Variants in PLXNA2 observed in about 807,000 individuals in gnomAD.
PLXNA2 encodes the protein plexin A2.
PLXNA2 carries 91 observed loss-of-function variants against 193.5 expected under a neutral mutation model. The ratio of observed to expected loss-of-function variants is 0.47; its 90% confidence interval spans 0.40 to 0.56. The LOEUF (loss-of-function observed/expected upper bound fraction) is 0.56. PLXNA2 is among the 20% of genes least tolerant of loss of function. PLXNA2 has a pLI of 0.00. For synonymous variants in PLXNA2, 997 were observed against 1,027.3 expected, an observed-to-expected ratio of 0.97 and a Z score of 0.56; for missense variants, 1,995 against 2,503.2, an observed-to-expected ratio of 0.80 and a Z score of 4.33.
intron 23 of PLXNA2, 91 bp from the exon 24 acceptor site, chr1:208,039,858 G>C (rs1664807483): frequency 2.5e-6 from 4 of 1,598,616 alleles, no homozygotes; most frequent in Non-Finnish European, 3.4e-6. Flanking sequence ...GCCAGTGGAA[G>C]GAAGGGCTTT....
chr1:208,053,728 T>A (rs1006865689), intron 14 of PLXNA2, among the ~76,000 whole-genome samples: 1 of 152,220 alleles, frequency 6.6e-6, no homozygotes, highest in Non-Finnish European at 1.5e-5. Context: ...TGATTCAGTA[T>A]GAATATAGCC....
Position 208,113,546 on chromosome 1 carries a change from C to CTTTT in PLXNA2, c.1507-10303_1507-10300dup, listed in dbSNP as rs397695261. ...AGTTAATCCCAAATGCTCTCTCTCT[C>CTTTT]TTTTTTTTTTTTTTTTTTTTTGAGA... is the stretch of plus-strand genomic sequence containing the variant. On this transcript the variant is annotated intron_variant, in intron 4 of 31. Transcript: ENST00000367033. Among the ~76,000 whole-genome samples, 161 of 105,664 alleles carry CTTTT rather than the reference C, an allele frequency of 1.5e-3. 2 individuals carry two copies. The highest frequency in any genetic ancestry group is 1.9e-3 in the African/African-American group (52 of 27,390). The allele number at this position is 105,664 out of a possible 152,430, so 69.3% of individuals were successfully genotyped here.
At chr1:208,037,309 G>T (rs1485162551) in intron 26 of PLXNA2, among the ~76,000 whole-genome samples, 1 of 152,164 alleles carries the variant, frequency 6.6e-6, no homozygotes, top group Non-Finnish European at 1.5e-5. Flanking sequence ...AGGATGGGAG[G>T]TGCAGGCGAG....
chr1:208,059,705 C>T lies in PLXNA2; in HGVS notation c.2738+981G>A, dbSNP rs142384733. Among the ~76,000 whole-genome samples, 311 of 152,352 alleles carry T rather than the reference C, an allele frequency of 2.0e-3. 3 individuals are homozygous for T. Among genetic ancestry groups the T allele is most frequent in the South Asian group, 5.8e-3 (28 of 4,822 alleles). On this transcript the variant is annotated intron_variant, in intron 13 of 31. Transcript: ENST00000367033. ...ACTTCTCATGAGTCCTTTGCTCTCT[C>T]CTGCTTTGCAGAATGATGATAACAA...
chr1:208,211,460 A>G (rs1410140489), intron 2 of PLXNA2, among the ~76,000 whole-genome samples: 2 of 152,152 alleles, frequency 1.3e-5, no homozygotes, highest in Non-Finnish European at 2.9e-5. Flanking sequence ...TTGGGAGGCC[A>G]AGGCGGGCAG....
rs972734055 is a variant in PLXNA2 at position 208,036,090 on chromosome 1, T to G, written c.4765-1498A>C. Among the ~76,000 whole-genome samples, 15 of 152,274 alleles carry G rather than the reference T, an allele frequency of 9.9e-5. No homozygotes were observed. The East Asian group carries it at 2.1e-3, about 22-fold the overall frequency. ...TGGAAGGTGCCAAGGCTCCATTACT[T>G]CCCAGCTAGACCAGCTCCCTGGACT... On this transcript the variant is annotated intron_variant, in intron 26 of 31. Transcript: ENST00000367033.
chr1:208,038,454 C>A lies in PLXNA2; in HGVS notation c.4681G>T (p.Ala1561Ser), dbSNP rs779769484. Residue 1561 changes from alanine to serine, a missense_variant, in exon 26 of 32, where the codon GCC (alanine) becomes TCC (serine). Ala to Ser is a moderately conservative substitution (Grantham distance 99). Transcript: ENST00000367033. This position sits in a 1 kb window ranked among gnomAD's most constrained non-coding sequence, Gnocchi z 4.1. The part of the protein sequence containing the change: ...MDLEWRQGRI[A>S]RVVLQDEDIT... Reference sequence around the variant, plus strand: ...TCCTCATCTTGCAGCACGACCCGGGCGATCCGGCCTTGGCGCCACTCTGGG... The same window carrying A: ...TCCTCATCTTGCAGCACGACCCGGGAGATCCGGCCTTGGCGCCACTCTGGG... The A allele has an allele frequency of 3.1e-6, 5 of 1,614,068 alleles. No individual in the cohort carries two copies. The East Asian group carries it at 6.7e-5, about 22-fold the overall frequency.
intron 29 of PLXNA2, chr1:208,029,614 C>T (rs940015817): frequency 3.8e-5 from 38 of 988,960 alleles, no homozygotes; most frequent in East Asian, 1.1e-4. Context: ...CTCCCCAGGG[C>T]GTTCTTGTAT....
At chr1:208,174,230 T>C (rs1669588067) in intron 3 of PLXNA2, among the ~76,000 whole-genome samples, 1 of 152,068 alleles carries the variant, frequency 6.6e-6, no homozygotes, top group Non-Finnish European at 1.5e-5. Context: ...GCTTTGAGTA[T>C]GGAAAAGAGA....
Position 208,060,730 on chromosome 1 carries a change from C to A in PLXNA2, c.2694G>T (p.Gly898=). The change falls in exon 13 of 32, where the codon GGG becomes GGT. Residue 898 remains glycine, a synonymous_variant. Transcript: ENST00000367033. ...CCCCTGGGAGGGGCGTGCAGGGCACCCCAGCCACCTGCACATGGTGGGCGA... is the reference window on the plus strand; with the variant it reads ...CCCCTGGGAGGGGCGTGCAGGGCACACCAGCCACCTGCACATGGTGGGCGA... ...SEIAHHVQVA[G]VPCTPLPGEY... is the part of the protein sequence containing the mutation. The A allele has an allele frequency of 6.2e-7, 1 of 1,613,936 alleles. No individual in the cohort carries two copies.
chr1:208,027,982 T>C (rs1300419354), intron 31 of PLXNA2, 27 bp downstream of exon 31: 1 of 1,529,340 alleles, frequency 6.5e-7, no homozygotes. Flanking sequence ...CCTGTTGGTT[T>C]CTGTCCCTGC....
chr1:208,226,578 A>G (rs1430496986), intron 1 of PLXNA2, among the ~76,000 whole-genome samples: 1 of 152,144 alleles, frequency 6.6e-6, no homozygotes, highest in Non-Finnish European at 1.5e-5. Context: ...TTGCAAAGTC[A>G]AAACAAGATT....
chr1:208,037,362 T>A (rs1219717759), intron 26 of PLXNA2, among the ~76,000 whole-genome samples: 2 of 152,152 alleles, frequency 1.3e-5, no homozygotes, highest in Non-Finnish European at 2.9e-5. Flanking sequence ...TGGGGACCCC[T>A]GTGCCACAGC....
At chr1:208,097,812 T>A (rs972583939) in intron 6 of PLXNA2, among the ~76,000 whole-genome samples, 4 of 152,020 alleles carry the variant, frequency 2.6e-5, no homozygotes, top group East Asian at 1.9e-4. Flanking sequence ...GGTGGTGACA[T>A]CTCGGTGGCC....
intron 4 of PLXNA2, among the ~76,000 whole-genome samples, chr1:208,139,446 T>C: frequency 6.6e-6 from 1 of 152,180 alleles, no homozygotes; most frequent in South Asian, 2.1e-4. Flanking sequence ...ATGGGCCATA[T>C]AGAATGTGGC....
chr1:208,178,896 C>G (rs533368254), intron 3 of PLXNA2, among the ~76,000 whole-genome samples: 2 of 152,242 alleles, frequency 1.3e-5, no homozygotes, highest in East Asian at 3.9e-4. Flanking sequence ...ATAAGCTCTG[C>G]AGGTGATTCG....
intron 9 of PLXNA2, among the ~76,000 whole-genome samples, chr1:208,090,884 G>A (rs1406722976): frequency 6.6e-6 from 1 of 152,212 alleles, no homozygotes; most frequent in Admixed American, 6.5e-5. Flanking sequence ...TGGCTCTGCT[G>A]TTCCTGGCTA....
intron 3 of PLXNA2, among the ~76,000 whole-genome samples, chr1:208,175,439 T>C (rs1558229516): frequency 6.6e-6 from 1 of 152,110 alleles, no homozygotes; most frequent in Non-Finnish European, 1.5e-5. Context: ...GGCTGGCACA[T>C]CCTCTGAACA....
rs754686816 is a variant in PLXNA2, at chr1:208,103,135, C to A, written c.1607+12G>T. ...GCATGCCAAACCCTTTTCCAGTATACCCCAAACTTACATGTTGTGCAGGGC... is the reference window on the plus strand; with the variant it reads ...GCATGCCAAACCCTTTTCCAGTATAACCCAAACTTACATGTTGTGCAGGGC... On this transcript the variant is annotated intron_variant, in intron 5 of 31. Coordinates refer to ENST00000367033, the MANE Select transcript of PLXNA2 (RefSeq NM_025179.4). The A allele has an allele frequency of 2.6e-5, 41 of 1,603,666 alleles. No homozygotes were observed. The South Asian group carries it at 4.1e-4, about 16-fold the overall frequency.
Sources: gnomAD v4.1 joint callset for allele counts (sites outside exome capture counted in the v4.1 genomes callset) on GRCh38, gnomAD v4.1.1 for gene constraint, Gnocchi (gnomAD v3.1) non-coding constraint, MANE v1.5 for transcripts, NCBI Gene and HGNC (gene_info 2026-07-23, HGNC 2026-07-21) for gene names.